CDH26: variants seen among roughly 807,000 people sequenced by gnomAD.
CDH26 encodes cadherin-like protein 26.
A neutral mutation model predicts 90.3 loss-of-function variants in CDH26; 83 were observed. The observed-to-expected ratio is 0.92, with a 90% CI of 0.77 to 1.10. The LOEUF (loss-of-function observed/expected upper bound fraction) is 1.10. Among genes scored for constraint, CDH26 ranks in the 50% least tolerant of loss-of-function variants. The probability of loss-of-function intolerance (pLI) is 0.00; values close to 1 mark genes in which losing one functional copy is unlikely to be tolerated. For missense variants in CDH26, 1,013 were observed against 1,037.6 expected (o/e 0.98, Z 0.33); for synonymous variants, 397 against 396.3 (o/e 1.00, Z -0.02).
Position 59,972,078 on chromosome 20 carries a change from A to G in CDH26, c.348A>G (p.Ile116Met), listed in dbSNP as rs1240660410. ...FSLEDHENGR[I>M]YVHRPVDREM... ...TAGAAGATCATGAGAACGGAAGGAT[A>G]TATGTTCACCGCCCTGTCGATCGAG... is the stretch of plus-strand genomic sequence containing the variant. Residue 116 changes from isoleucine (I) to methionine (M), a missense_variant, in exon 4 of 18, where the codon ATA becomes ATG. Ile to Met is a conservative substitution (Grantham distance 10, BLOSUM62 1). Coordinates refer to ENST00000348616, the MANE Select transcript of CDH26 (RefSeq NM_177980.4). The G allele has an allele frequency of 6.2e-7, 1 of 1,614,020 alleles. No homozygotes were observed. Among genetic ancestry groups the G allele is most frequent in the African/African-American group, 1.3e-5 (1 of 74,934 alleles).
At position 59,965,334 on chromosome 20, in the gene CDH26, A is replaced by T. The variant is rs537248304; in HGVS notation, c.70-3633A>T. The stretch of plus-strand genomic sequence containing the variant: ...AGGCTCTGTCCCTGGTGATTTAGGT[A>T]TCAGTCCTAGAGATTTAGCTTATGT... On this transcript the variant is annotated intron_variant, in intron 1 of 17. Transcript: ENST00000348616. Among the ~76,000 whole-genome samples, 41 of 152,332 alleles carry T rather than the reference A, an allele frequency of 2.7e-4. No individual in the cohort carries two copies. The South Asian group carries it at 8.5e-3, about 32-fold the overall frequency.
At chr20:60,005,478 C>CTGTA (rs35310546) in intron 16 of CDH26, among the ~76,000 whole-genome samples, 29,760 of 147,592 alleles carry the variant, frequency 0.2, 3,126 homozygotes, top group East Asian at 0.44. Flanking sequence ...GTGTATATAT[C>CTGTA]TGTATGTATG....
intron 4 of CDH26, among the ~76,000 whole-genome samples, chr20:59,975,261 TAGA>T (rs919485856): frequency 1.3e-5 from 2 of 152,116 alleles, no homozygotes; most frequent in African/African-American, 4.8e-5. Context: ...CCAGTATTTT[TAGA>T]AGAAGAGAGA....
chr20:60,004,540 G>A (rs2061718669), intron 16 of CDH26, among the ~76,000 whole-genome samples: 1 of 152,048 alleles, frequency 6.6e-6, no homozygotes, highest in South Asian at 2.1e-4. Flanking sequence ...GCCGAGGCAG[G>A]CGTATCACGA....
intron 8 of CDH26, 58 bp from the exon 9 acceptor site, chr20:59,988,846 G>A: frequency 6.3e-7 from 1 of 1,581,560 alleles, no homozygotes; most frequent in Non-Finnish European, 8.6e-7. Context: ...TCGGCGCTGG[G>A]CTTCCTCTGG....
At chr20:59,976,121 A>G (rs1440372010) in intron 4 of CDH26, among the ~76,000 whole-genome samples, 2 of 152,194 alleles carry the variant, frequency 1.3e-5, no homozygotes, top group Admixed American at 1.3e-4. Context: ...TAACCTATGC[A>G]GTAGCGATTT....
At chr20:59,962,388 C>A (rs1445793754) in intron 1 of CDH26, among the ~76,000 whole-genome samples, 1 of 152,164 alleles carries the variant, frequency 6.6e-6, no homozygotes, top group Non-Finnish European at 1.5e-5. Flanking sequence ...CTGGGAGGAC[C>A]CTCCCTGGCC....
At chr20:59,975,601 CA>C (rs1274912109) in intron 4 of CDH26, among the ~76,000 whole-genome samples, 5 of 152,144 alleles carry the variant, frequency 3.3e-5, no homozygotes, top group Non-Finnish European at 7.3e-5. Context: ...GAAGGATTAC[CA>C]ACAAGGAAGG....
chr20:60,012,622 C>A lies in CDH26; in HGVS notation c.2391C>A (p.Ser797Arg), dbSNP rs750459679. 6.2e-7 allele frequency: 1 copy of A among 1,614,122 alleles called. No individual in the cohort carries two copies. The highest frequency in any genetic ancestry group is 8.5e-7 in the Non-Finnish European group (1 of 1,180,012). Residue 797 changes from serine (S) to arginine (R), a missense_variant, in exon 18 of 18, where the codon AGC (serine) becomes AGA (arginine). Physicochemically the swap from Ser to Arg is moderately radical, Grantham distance 110. Coordinates refer to ENST00000348616, the MANE Select transcript of CDH26 (RefSeq NM_177980.4). ...AGTGTGGAGGGGCCCCATCCCTCAG[C>A]TCTCTGGCCAGCTTGGAACAGGAGT... ...EGECGGAPSL[S>R]SLASLEQELQ...
chr20:60,010,203 A>C (rs920168741), intron 17 of CDH26, among the ~76,000 whole-genome samples: 4 of 152,088 alleles, frequency 2.6e-5, no homozygotes, highest in Non-Finnish European at 5.9e-5. Flanking sequence ...CGGGGGGCAT[A>C]GTTAAGAGCT....
At chr20:60,023,900 T>A (rs2061976926) in intron 7 of CDH26, among the ~76,000 whole-genome samples, 1 of 152,304 alleles carries the variant, frequency 6.6e-6, no homozygotes, top group South Asian at 2.1e-4. Flanking sequence ...AAGGGTTTTG[T>A]CTTCCCAGCT....
intron 1 of CDH26, among the ~76,000 whole-genome samples, chr20:59,960,614 G>A (rs763121474): frequency 3.3e-5 from 5 of 152,182 alleles, no homozygotes; most frequent in Non-Finnish European, 7.3e-5. Context: ...ACTCAGACCA[G>A]TGTCACCCTT....
In CDH26 at chr20:59,970,068, A is replaced by G. The variant is rs2061235606; in HGVS notation, c.127-14A>G. On this transcript the variant is annotated splice_polypyrimidine_tract_variant and intron_variant, in intron 2 of 17. Transcript: ENST00000348616. Reference sequence around the variant, plus strand: ...TGCCATCCTCATTGTCACCAGTGTCACTATAAGTTCCAGGAAAAGATCTAC... The same window carrying G: ...TGCCATCCTCATTGTCACCAGTGTCGCTATAAGTTCCAGGAAAAGATCTAC... 6.2e-7 allele frequency: 1 copy of G among 1,609,740 alleles called. No individual in the cohort carries two copies. Among genetic ancestry groups the G allele is most frequent in the East Asian group, 2.2e-5 (1 of 44,710 alleles).
At chr20:60,032,254 C>T (rs1822255962) in intron 8 of CDH26, among the ~76,000 whole-genome samples, 2 of 152,242 alleles carry the variant, frequency 1.3e-5, no homozygotes, top group Admixed American at 1.3e-4. Flanking sequence ...CCAGTAAGTG[C>T]ACAATTTGGG....
chr20:59,987,055 A>G (rs1379610641), intron 7 of CDH26, among the ~76,000 whole-genome samples: 1 of 152,220 alleles, frequency 6.6e-6, no homozygotes, highest in African/African-American at 2.4e-5. Context: ...AAAAATGATC[A>G]CCTTAATCTG....
intron 6 of CDH26, 31 bp from the exon 7 acceptor site, chr20:59,984,970 G>A (rs1203249753): frequency 6.2e-7 from 1 of 1,604,078 alleles, no homozygotes. Flanking sequence ...CTGTATTTGA[G>A]GGGCTTAACT....
At chr20:60,020,613 G>A (rs12625627) in intron 7 of CDH26, among the ~76,000 whole-genome samples, 49,312 of 152,084 alleles carry the variant, frequency 0.32, 10,008 homozygotes, top group Non-Finnish European at 0.43. Flanking sequence ...CGCTGGTGCT[G>A]TAGAGGTACA....
downstream of CDH26, among the ~76,000 whole-genome samples, chr20:60,016,903 T>C (rs1343283255): frequency 6.6e-6 from 1 of 152,158 alleles, no homozygotes; most frequent in African/African-American, 2.4e-5. Context: ...ATTTTGTTGA[T>C]GTGATGTATC....
intron 15 of CDH26, 138 bp from the exon 16 acceptor site, chr20:60,002,675 T>C: frequency 6.2e-6 from 3 of 485,304 alleles, no homozygotes; most frequent in South Asian, 4.9e-5. Flanking sequence ...ATTTCTGCTA[T>C]GAATATCTAC....
Sources: allele counts gnomAD v4.1 joint callset (sites outside exome capture counted in the v4.1 genomes callset), GRCh38; gene constraint gnomAD v4.1.1; transcripts MANE v1.5; gene names NCBI Gene and HGNC (gene_info 2026-07-23, HGNC 2026-07-21).